CA14: variants seen among roughly 807,000 people sequenced by gnomAD.
The protein encoded by CA14 is carbonic anhydrase 14.
A neutral mutation model predicts 48.8 loss-of-function variants in CA14; 44 were observed. The ratio of observed to expected loss-of-function variants is 0.90; its 90% CI spans 0.71 to 1.16. CA14 has a LOEUF of 1.16. Among genes scored for constraint, CA14 ranks in the 50% most tolerant of loss-of-function variants. The pLI, the probability that CA14 is intolerant of heterozygous loss-of-function variation, is 0.00. For synonymous variants in CA14, 154 were observed against 155.0 expected, an observed-to-expected ratio of 0.99 and a Z score of 0.05; for missense variants, 386 against 401.0, an observed-to-expected ratio of 0.96 and a Z score of 0.32.
chr1:150,260,273 C>A, intron 2 of CA14, 102 bp downstream of exon 2: 1 of 1,086,842 alleles, frequency 9.2e-7, no homozygotes, highest in Non-Finnish European at 1.4e-6. Context: ...CCTTTACCTT[C>A]TCACCCTAGC....
rs377606985 is a variant in CA14 at position 150,262,136 on chromosome 1, G to A, written c.257-22G>A. ...TGTATCCACATGCCTCCACCAATCC[G>A]AGTTTGCTCTTTTCCTCACAGTGCA... On this transcript the variant is annotated intron_variant, in intron 3 of 10. Coordinates refer to ENST00000369111, the MANE Select transcript of CA14 (RefSeq NM_012113.3). 4.0e-4 allele frequency: 644 copies of A among 1,613,900 alleles called. 1 individual carries two copies. The highest frequency in any genetic ancestry group is 5.2e-4 in the Non-Finnish European group (616 of 1,179,972).
Position 150,263,103 on chromosome 1 carries a change from G to C in CA14, c.624G>C (p.Gln208His). ...AGCTGCTCCCCAAACAGCTGGGGCA[G>C]TACTTCCGCTACAATGGCTCGCTCA... ...LRELLPKQLGQYFRYNGSLTT... is the reference protein window; with the variant it reads ...LRELLPKQLGHYFRYNGSLTT... Residue 208 changes from glutamine (Q) to histidine (H), a missense_variant, in exon 7 of 11, where the codon CAG (glutamine) becomes CAC (histidine). Coordinates refer to ENST00000369111, the MANE Select transcript of CA14 (RefSeq NM_012113.3). 1.2e-6 allele frequency: 2 copies of C among 1,614,096 alleles called. No homozygotes were observed. Among genetic ancestry groups the C allele is most frequent in the East Asian group, 2.2e-5 (1 of 44,874 alleles).
rs1378522500 is a variant in CA14, at chr1:150,260,416, G to GAGGGAGCTGGGGTGGAA, written c.76+249_76+265dup. ...AGTCCTCAGTAAATCGTGTAGGAGT[G>GAGGGAGCTGGGGTGGAA]AGGGAGCTGGGGTGGAAAGGAAGCT... is the stretch of plus-strand genomic sequence containing the variant. On this transcript the variant is annotated intron_variant, in intron 2 of 10. Transcript: ENST00000369111. 14 of 591,004 alleles carry GAGGGAGCTGGGGTGGAA rather than the reference G, an allele frequency of 2.4e-5. No homozygotes were observed. In the African/African-American group the frequency reaches 2.6e-4, roughly 11 times the overall value. The allele number at this position is 591,004 out of a possible 1,614,324, so 36.6% of individuals were successfully genotyped here.
In CA14 at chr1:150,262,616, T is replaced by C. The variant is rs1651156817; in HGVS notation, c.491T>C (p.Ile164Thr). 6.2e-7 allele frequency: 1 copy of C among 1,611,058 alleles called. No individual in the cohort carries two copies. Among genetic ancestry groups the C allele is most frequent in the Admixed American group, 1.7e-5 (1 of 60,026 alleles). ...PQGLAVLGIL[I>T]EVGETKNIAY... ...GGCCTGGCTGTCCTGGGCATCCTAA[T>C]TGAGGTCAGTAGCCCCCAGTCCCTT... Residue 164 changes from isoleucine (I) to threonine (T), a missense_variant, in exon 5 of 11, where the codon ATT (isoleucine) becomes ACT (threonine). Transcript: ENST00000369111.
At chr1:150,263,274 C>T in intron 7 of CA14, 25 bp from the exon 8 acceptor site, 1 of 1,613,946 alleles carries the variant, frequency 6.2e-7, no homozygotes, top group Non-Finnish European at 8.5e-7. Context: ...CAAAGTAACA[C>T]CTCTCCCACG....
intron 4 of CA14, 74 bp from the exon 5 acceptor site, chr1:150,262,451 T>A (rs1462878815): frequency 8.8e-6 from 13 of 1,476,034 alleles, no homozygotes; most frequent in South Asian, 2.3e-5. Flanking sequence ...AGCGGGGGGA[T>A]GGTGGCAGCT....
intron 8 of CA14, 41 bp downstream of exon 8, chr1:150,263,460 G>C: frequency 6.2e-7 from 1 of 1,611,450 alleles, no homozygotes; most frequent in Non-Finnish European, 8.5e-7. Flanking sequence ...AACTGAGGGG[G>C]ACACAATGGC....
chr1:150,263,507 G>A (rs1651282112), intron 8 of CA14, 88 bp downstream of exon 8: 2 of 1,606,668 alleles, frequency 1.2e-6, no homozygotes, highest in Admixed American at 3.4e-5. Context: ...AAGGCTAAAA[G>A]GGGAGGGGGT....
intron 1 of CA14, among the ~76,000 whole-genome samples, chr1:150,259,276 T>A (rs1398161388): frequency 2.0e-5 from 3 of 152,290 alleles, no homozygotes; most frequent in Middle Eastern, 3.4e-3. Context: ...TCTAGTAGTA[T>A]GAATATTGCA....
At chr1:150,261,305 T>C (rs1651009344) in intron 2 of CA14, 154 bp from the exon 3 acceptor site, 2 of 644,198 alleles carry the variant, frequency 3.1e-6, no homozygotes. Context: ...CCCATCCCTA[T>C]ACAACTGGGG....
intron 3 of CA14, 136 bp downstream of exon 3, chr1:150,261,774 T>G: frequency 1.3e-6 from 1 of 762,074 alleles, no homozygotes; most frequent in South Asian, 1.9e-5. Flanking sequence ...CTTGTCAAGA[T>G]GTTGGCACAT....
In CA14 at chr1:150,263,908, CCTT is replaced by C. The variant is rs782716777; in HGVS notation, c.947+37_947+39del. ...GGCCCTACTTTCCATTCCTCCAGTC[CCTT>C]CTTCTTTTTTTTTTTTTTTTTGGTA... On this transcript the variant is annotated intron_variant, in intron 10 of 10. Coordinates refer to ENST00000369111, the MANE Select transcript of CA14 (RefSeq NM_012113.3). 6.1e-5 allele frequency: 84 copies of C among 1,377,786 alleles called. 5 individuals carry two copies. In the Admixed American group the frequency reaches 1.1e-3, roughly 18 times the overall value. 85.3% of individuals were successfully genotyped at this position (1,377,786 alleles called of 1,614,324 possible).
chr1:150,260,405 C>T (rs1331403387), intron 2 of CA14: 6 of 615,304 alleles, frequency 9.8e-6, no homozygotes, highest in South Asian at 1.8e-5. Flanking sequence ...CTCAGTAAAT[C>T]GTGTAGGAGT....
chr1:150,263,384 T>C lies in CA14; in HGVS notation c.806T>C (p.Leu269Pro). The change falls in exon 8 of 11, where the codon CTC becomes CCC. Residue 269 changes from leucine to proline, a missense_variant. Leu to Pro is a moderately conservative substitution (Grantham distance 98). Coordinates refer to ENST00000369111, the MANE Select transcript of CA14 (RefSeq NM_012113.3). ...CAGAACTACCGAGCCCTTCAGCCTC[T>C]CAATCAGCGCATGGTCTTTGCTTCT... ...LVQNYRALQP[L>P]NQRMVFASFI... 1 of 1,614,224 alleles carries C rather than the reference T, an allele frequency of 6.2e-7. No individual in the cohort carries two copies. The highest frequency in any genetic ancestry group is 1.7e-4 in the Middle Eastern group (1 of 6,056).
chr1:150,263,786 T>C lies in CA14; in HGVS notation c.863-8T>C. ...TAGGCTGACACCTTTTACCTTTATC[T>C]CCCCCAGGTGAAATGCTGAGTCTAG... On this transcript the variant is annotated splice_polypyrimidine_tract_variant and splice_region_variant and intron_variant, in intron 9 of 10. Transcript: ENST00000369111. The C allele has an allele frequency of 6.2e-7, 1 of 1,613,560 alleles. No individual in the cohort carries two copies. Among genetic ancestry groups the C allele is most frequent in the Non-Finnish European group, 8.5e-7 (1 of 1,179,510 alleles).
chr1:150,261,726 G>A (rs1651050728), intron 3 of CA14, 88 bp downstream of exon 3: 2 of 1,231,460 alleles, frequency 1.6e-6, no homozygotes, highest in African/African-American at 1.5e-5. Flanking sequence ...TGATGATGGG[G>A]TGTTCCTGAG....
At chr1:150,263,545 A>T (rs988612702) in intron 8 of CA14, 114 bp from the exon 9 acceptor site, 1 of 1,610,090 alleles carries the variant, frequency 6.2e-7, no homozygotes, top group Non-Finnish European at 8.5e-7. Context: ...ACTGGGAACC[A>T]ACCCCCACCC....
intron 9 of CA14, 45 bp from the exon 10 acceptor site, chr1:150,263,749 C>T (rs1553848618): frequency 6.2e-7 from 1 of 1,611,448 alleles, no homozygotes; most frequent in African/African-American, 1.3e-5. Flanking sequence ...GGCTCAAAAT[C>T]TATGTTAGTC....
At chr1:150,263,955 GCT>G (rs1651392398) in intron 10 of CA14, 77 bp downstream of exon 10, 5 of 991,320 alleles carry the variant, frequency 5.0e-6, no homozygotes, top group Non-Finnish European at 5.9e-6. Context: ...ACGGAGTCTT[GCT>G]CTGTTACTCA....
Sources: allele counts gnomAD v4.1 joint callset (sites outside exome capture counted in the v4.1 genomes callset), GRCh38; gene constraint gnomAD v4.1.1; transcripts MANE v1.5; gene names NCBI Gene and HGNC (gene_info 2026-07-23, HGNC 2026-07-21).